Variants in DPP10 observed in about 807,000 individuals in gnomAD.
The protein encoded by DPP10 is inactive dipeptidyl peptidase 10.
Under a neutral mutation model 120.9 loss-of-function variants are expected in DPP10, and 33 were observed. The observed-to-expected ratio is 0.27, with a 90% CI of 0.21 to 0.37. The LOEUF (loss-of-function observed/expected upper bound fraction) is 0.37. Ranked by LOEUF, DPP10 falls within the 10% of genes least tolerant of loss-of-function variation. The probability of loss-of-function intolerance (pLI) is 1.00; values close to 1 mark genes in which losing one functional copy is unlikely to be tolerated. For synonymous variants in DPP10, 337 were observed against 326.1 expected, an observed-to-expected ratio of 1.03 and a Z score of -0.36; for missense variants, 816 against 942.8, an observed-to-expected ratio of 0.87 and a Z score of 1.76.
At chr2:114,869,406 G>A (rs1690506229) in intron 1 of DPP10, among the ~76,000 whole-genome samples, 1 of 152,110 alleles carries the variant, frequency 6.6e-6, no homozygotes, top group Admixed American at 6.6e-5. Context: ...GTTATATGAA[G>A]TGGATTCATT....
At chr2:114,481,104 C>T (rs141379107) in intron 1 of DPP10, among the ~76,000 whole-genome samples, 81 of 150,508 alleles carry the variant, frequency 5.4e-4, no homozygotes, top group African/African-American at 1.8e-3. Flanking sequence ...AAGCATGATC[C>T]AAAAAAGGAA....
chr2:115,093,289 T>C (rs891816743), intron 1 of DPP10, among the ~76,000 whole-genome samples: 1 of 152,090 alleles, frequency 6.6e-6, no homozygotes, highest in Non-Finnish European at 1.5e-5. Context: ...GTCACAACAG[T>C]GTGCATCATA....
rs141927588 is a variant in DPP10 at position 115,403,710 on chromosome 2, C to G, written c.271+59798C>G. Among the ~76,000 whole-genome samples, 747 of 152,180 alleles carry G rather than the reference C, an allele frequency of 4.9e-3. 4 individuals are homozygous for G. The highest frequency in any genetic ancestry group is 0.016 in the African/African-American group (674 of 41,548). ...TGAGCCACCGTGCCTGGCCACACCA[C>G]TTCTCTTTGATAAAGTACTAGAAAT... On this transcript the variant is annotated intron_variant, in intron 3 of 25. Coordinates refer to ENST00000410059, the MANE Select transcript of DPP10 (RefSeq NM_020868.6).
intron 1 of DPP10, among the ~76,000 whole-genome samples, chr2:115,199,704 C>T (rs1206040278): frequency 2.0e-5 from 3 of 152,068 alleles, no homozygotes; most frequent in African/African-American, 4.8e-5. Flanking sequence ...TTGTTTATAG[C>T]ATGTATCAAG....
At chr2:114,465,364 G>A (rs928429361) in intron 1 of DPP10, among the ~76,000 whole-genome samples, 1 of 152,002 alleles carries the variant, frequency 6.6e-6, no homozygotes, top group African/African-American at 2.4e-5. Flanking sequence ...TTTTCCCAGT[G>A]GAACTCTTTA....
intron 3 of DPP10, among the ~76,000 whole-genome samples, chr2:115,418,879 G>A (rs901991528): frequency 1.3e-5 from 2 of 152,120 alleles, no homozygotes; most frequent in Non-Finnish European, 2.9e-5. Flanking sequence ...CAACAGGTTG[G>A]AAATTCTGAC....
intron 1 of DPP10, among the ~76,000 whole-genome samples, chr2:114,887,498 A>G (rs1377445786): frequency 6.6e-6 from 1 of 152,164 alleles, no homozygotes; most frequent in Non-Finnish European, 1.5e-5. Flanking sequence ...AGTGTCTTAC[A>G]CTCACTGAGA....
chr2:114,453,570 C>A (rs1320202457), intron 1 of DPP10, among the ~76,000 whole-genome samples: 1 of 152,040 alleles, frequency 6.6e-6, no homozygotes, highest in Non-Finnish European at 1.5e-5. Flanking sequence ...CCTTCAGGAG[C>A]GTTGTTCTCA....
At chr2:114,903,700 T>C (rs1338020534) in intron 1 of DPP10, among the ~76,000 whole-genome samples, 1 of 152,200 alleles carries the variant, frequency 6.6e-6, no homozygotes, top group Non-Finnish European at 1.5e-5. Context: ...GTGACTGTAT[T>C]TGGAGATGGT....
At chr2:115,278,915 C>T (rs980323194) in intron 1 of DPP10, among the ~76,000 whole-genome samples, 1 of 152,062 alleles carries the variant, frequency 6.6e-6, no homozygotes, top group Admixed American at 6.5e-5. Flanking sequence ...TATAATAGTT[C>T]AAGCATAAAA....
intron 1 of DPP10, among the ~76,000 whole-genome samples, chr2:114,964,615 G>A (rs970627746): frequency 2.0e-5 from 3 of 152,102 alleles, no homozygotes; most frequent in Non-Finnish European, 4.4e-5. Context: ...AGGCCATGAG[G>A]TGGAAGAATG....
At chr2:115,083,657 C>A in intron 1 of DPP10, among the ~76,000 whole-genome samples, 1 of 152,092 alleles carries the variant, frequency 6.6e-6, no homozygotes, top group African/African-American at 2.4e-5. Flanking sequence ...ACTTAGCTGT[C>A]AAAAAAGTTA....
Position 114,874,934 on chromosome 2 carries a change from G to A in DPP10, c.60+432096G>A, listed in dbSNP as rs78843030. Among the ~76,000 whole-genome samples, 545 of 152,166 alleles carry A rather than the reference G, an allele frequency of 3.6e-3. 2 individuals carry two copies. Among genetic ancestry groups the A allele is most frequent in the African/African-American group, 0.013 (525 of 41,516 alleles). On this transcript the variant is annotated intron_variant, in intron 1 of 25. Coordinates refer to ENST00000410059, the MANE Select transcript of DPP10 (RefSeq NM_020868.6). ...TTATACTACTAGAGAGAAGGCAAGT[G>A]GTTTCTTTGCTGTTCAGGTATATGC...
chr2:115,520,650 C>G (rs2077752906), intron 4 of DPP10, among the ~76,000 whole-genome samples: 1 of 152,136 alleles, frequency 6.6e-6, no homozygotes, highest in South Asian at 2.1e-4. Flanking sequence ...GCAACCAAGT[C>G]CTTTATACCA....
rs761961981 is a variant in DPP10 at position 114,542,048 on chromosome 2, C to CTTTTTTTTTTT, written c.60+99210_60+99211insTTTTTTTTTTT. The stretch of plus-strand genomic sequence containing the variant: ...TACAGTTTTTTTTCTTTCTTTCTTT[C>CTTTTTTTTTTT]CTTTTTTTTTTTTTTTTGAGATGGA... On this transcript the variant is annotated intron_variant, in intron 1 of 25. Transcript: ENST00000410059. Among the ~76,000 whole-genome samples the CTTTTTTTTTTT allele has an allele frequency of 5.7e-5, 7 of 122,202 alleles. 3 individuals carry two copies. The highest frequency in any genetic ancestry group is 6.6e-5 in the Non-Finnish European group (4 of 60,190). 80.2% of individuals were successfully genotyped at this position (122,202 alleles called of 152,430 possible).
At chr2:115,162,954 G>C (rs974030023) in intron 1 of DPP10, among the ~76,000 whole-genome samples, 4 of 152,086 alleles carry the variant, frequency 2.6e-5, no homozygotes, top group Admixed American at 6.6e-5. Flanking sequence ...CGCTGAGCCG[G>C]GTGCAGGTGC....
intron 1 of DPP10, among the ~76,000 whole-genome samples, chr2:114,543,266 C>T (rs773145994): frequency 3.9e-5 from 6 of 152,142 alleles, no homozygotes; most frequent in Admixed American, 6.5e-5. Flanking sequence ...TAAGCACTGG[C>T]GACGTCTTGT....
intron 1 of DPP10, among the ~76,000 whole-genome samples, chr2:114,504,850 G>A (rs772911836): frequency 2.0e-5 from 3 of 151,954 alleles, no homozygotes; most frequent in Admixed American, 6.6e-5. Context: ...TCAGAAGTTC[G>A]AGACCAGACT....
chr2:115,242,978 A>G (rs1367880531), intron 1 of DPP10, among the ~76,000 whole-genome samples: 2 of 152,138 alleles, frequency 1.3e-5, no homozygotes, highest in Non-Finnish European at 2.9e-5. Context: ...TGATACTTCT[A>G]TCACTCATGT....
Sources: gnomAD v4.1 joint callset for allele counts (sites outside exome capture counted in the v4.1 genomes callset) on GRCh38, gnomAD v4.1.1 for gene constraint, MANE v1.5 for transcripts, NCBI Gene and HGNC (gene_info 2026-07-23, HGNC 2026-07-21) for gene names.